CELF4: variants seen among roughly 807,000 people sequenced by gnomAD.
CELF4 encodes the protein CUGBP Elav-like family member 4.
In CELF4, 18 loss-of-function variants were observed where a neutral mutation model predicts 59.9. The observed-to-expected ratio is 0.30, with a 90% CI of 0.21 to 0.45. The LOEUF is 0.45. CELF4 is among the 20% of genes least tolerant of loss of function. The pLI is 1.00. For missense variants in CELF4, 456 were observed against 689.0 expected (o/e 0.66, Z 3.79); for synonymous variants, 261 against 267.1 (o/e 0.98, Z 0.22).
intron 3 of CELF4, among the ~76,000 whole-genome samples, chr18:37,303,081 G>T (rs946387605): frequency 8.5e-5 from 13 of 152,192 alleles, no homozygotes; most frequent in Admixed American, 5.2e-4. Flanking sequence ...GAAGAGAGGA[G>T]AAGGAACAGG....
At chr18:37,379,398 G>A (rs140339931) in intron 2 of CELF4, among the ~76,000 whole-genome samples, 50 of 146,556 alleles carry the variant, frequency 3.4e-4, no homozygotes, top group South Asian at 6.6e-4. Flanking sequence ...TTCCAATTAC[G>A]TGTTAATGAT....
intron 2 of CELF4, among the ~76,000 whole-genome samples, chr18:37,478,750 C>T (rs2099857743): frequency 6.6e-6 from 1 of 152,170 alleles, no homozygotes; most frequent in African/African-American, 2.4e-5. Flanking sequence ...AGATGTAGCC[C>T]CTATACCCAT....
intron 12 of CELF4, among the ~76,000 whole-genome samples, chr18:37,249,238 G>A (rs147229282): frequency 2.0e-3 from 309 of 152,196 alleles, no homozygotes; most frequent in Non-Finnish European, 3.1e-3. Flanking sequence ...GATGGCCAAC[G>A]GGCAGCTCCC....
At position 37,253,130 on chromosome 18, in the gene CELF4, G is replaced by C. The variant is rs754917664; in HGVS notation, c.*44+637C>G. On this transcript the variant is annotated intron_variant, in intron 12 of 12. Coordinates refer to ENST00000420428, the MANE Select transcript of CELF4 (RefSeq NM_020180.4). The surrounding 1 kb of genome is among the most constrained non-coding windows in gnomAD (Gnocchi z 4.5). The stretch of plus-strand genomic sequence containing the variant: ...CCAGCCCAGCAGAAAAGGTAACAAC[G>C]ACCACTCATCATGACCCGTGTGGGG... 9.2e-5 allele frequency among the ~76,000 whole-genome samples: 14 copies of C among 152,222 alleles called. No homozygotes were observed. Among genetic ancestry groups the C allele is most frequent in the African/African-American group, 3.4e-4 (14 of 41,534 alleles).
intron 3 of CELF4, among the ~76,000 whole-genome samples, chr18:37,292,333 T>C (rs1301164885): frequency 6.6e-6 from 1 of 152,218 alleles, no homozygotes; most frequent in African/African-American, 2.4e-5. Context: ...TTAACAAGAC[T>C]GTCCAAAGCC....
chr18:37,523,089 C>A (rs1423088951), intron 1 of CELF4, among the ~76,000 whole-genome samples: 1 of 152,164 alleles, frequency 6.6e-6, no homozygotes, highest in Non-Finnish European at 1.5e-5. Context: ...CTATGCTCCC[C>A]CTTTCTGTTT....
chr18:37,266,446 C>T, intron 9 of CELF4, 87 bp downstream of exon 9: 1 of 1,295,332 alleles, frequency 7.7e-7, no homozygotes, highest in South Asian at 1.3e-5. Flanking sequence ...GCAGTGCTGG[C>T]CCCAGGCCTG....
rs1055311681 is a variant in CELF4 at position 37,254,771 on chromosome 18, C to T, written c.1334-833G>A. The stretch of plus-strand genomic sequence containing the variant: ...ATGGCATGCAGAACCTTGCGGCTCC[C>T]AGGCCCAACCGCGCAGGTCCCAGAT... On this transcript the variant is annotated intron_variant, in intron 11 of 12. Coordinates refer to ENST00000420428, the MANE Select transcript of CELF4 (RefSeq NM_020180.4). The surrounding 1 kb of genome is among the most constrained non-coding windows in gnomAD (Gnocchi z 5.1). Among the ~76,000 whole-genome samples the T allele has an allele frequency of 6.6e-6, 1 of 152,384 alleles. No individual in the cohort carries two copies. Among genetic ancestry groups the T allele is most frequent in the Middle Eastern group, 3.4e-3 (1 of 294 alleles).
intron 2 of CELF4, among the ~76,000 whole-genome samples, chr18:37,417,858 A>C (rs2099541862): frequency 6.6e-6 from 1 of 152,172 alleles, no homozygotes; most frequent in South Asian, 2.1e-4. Flanking sequence ...CAAGACCCAC[A>C]AAGGGGTGGG....
At chr18:37,380,236 G>A (rs1475723313) in intron 2 of CELF4, among the ~76,000 whole-genome samples, 2 of 152,194 alleles carry the variant, frequency 1.3e-5, no homozygotes, top group African/African-American at 4.8e-5. Context: ...TTCTTGACAA[G>A]CACCACTCCC....
chr18:37,417,694 A>C (rs1441056858), intron 2 of CELF4, among the ~76,000 whole-genome samples: 1 of 152,224 alleles, frequency 6.6e-6, no homozygotes, highest in Admixed American at 6.5e-5. Context: ...TCAGTAGGAC[A>C]GTATCCTGCA....
chr18:37,256,718 G>A (rs1469027436), intron 11 of CELF4, among the ~76,000 whole-genome samples: 3 of 152,130 alleles, frequency 2.0e-5, no homozygotes, highest in African/African-American at 7.2e-5. Flanking sequence ...CTGAGTAGGT[G>A]GGATTACAGG....
chr18:37,264,387 A>C (rs1420121312), intron 10 of CELF4, among the ~76,000 whole-genome samples: 2 of 152,260 alleles, frequency 1.3e-5, no homozygotes, highest in African/African-American at 4.8e-5. Context: ...GGAGTAGGAA[A>C]GGTGCCTCGT....
At chr18:37,327,049 G>A (rs1250883229) in intron 2 of CELF4, among the ~76,000 whole-genome samples, 1 of 152,166 alleles carries the variant, frequency 6.6e-6, no homozygotes, top group Non-Finnish European at 1.5e-5. Context: ...CGATGATTGA[G>A]CTGGTCGAAA....
At chr18:37,328,415 A>G (rs2097406350) in intron 2 of CELF4, among the ~76,000 whole-genome samples, 1 of 152,178 alleles carries the variant, frequency 6.6e-6, no homozygotes, top group Middle Eastern at 3.2e-3. Flanking sequence ...CAGAGTGACT[A>G]TTCAAACCTC....
At chr18:37,552,390 A>G (rs901612426) in intron 1 of CELF4, among the ~76,000 whole-genome samples, 1 of 151,308 alleles carries the variant, frequency 6.6e-6, no homozygotes, top group Non-Finnish European at 1.5e-5. Context: ...TTTCCTACCC[A>G]CTCCCTGCTC....
intron 2 of CELF4, among the ~76,000 whole-genome samples, chr18:37,372,478 T>A (rs1283000193): frequency 6.6e-6 from 1 of 152,098 alleles, no homozygotes; most frequent in African/African-American, 2.4e-5. Flanking sequence ...CCGGGGCCTG[T>A]CGTGGGATGG....
At chr18:37,384,332 A>G (rs1475925485) in intron 2 of CELF4, among the ~76,000 whole-genome samples, 3 of 152,118 alleles carry the variant, frequency 2.0e-5, no homozygotes, top group African/African-American at 7.2e-5. Flanking sequence ...TAATTTGCAC[A>G]TTAATATCTG....
chr18:37,274,594 A>G, intron 5 of CELF4, 140 bp from the exon 6 acceptor site: 1 of 1,556,058 alleles, frequency 6.4e-7, no homozygotes, highest in Non-Finnish European at 8.6e-7. Flanking sequence ...CAGGGGAATG[A>G]GGTGTGAACC....
Sources: gnomAD v4.1 joint callset for allele counts (sites outside exome capture counted in the v4.1 genomes callset) on GRCh38, gnomAD v4.1.1 for gene constraint, Gnocchi (gnomAD v3.1) non-coding constraint, MANE v1.5 for transcripts, NCBI Gene and HGNC (gene_info 2026-07-23, HGNC 2026-07-21) for gene names.